INSL6: variants seen among roughly 807,000 people sequenced by gnomAD.
INSL6 encodes the protein insulin like 6.
A neutral mutation model predicts 9.4 loss-of-function variants in INSL6; 16 were observed. That is an observed-to-expected ratio of 1.70 (90% CI 1.15 to 2.59). INSL6 has a LOEUF of 2.59. INSL6 is among the 30% of genes most tolerant of loss of function. The pLI is 0.00. For missense variants in INSL6, 391 were observed against 257.3 expected (o/e 1.52, Z -3.56); for synonymous variants, 154 against 96.9 (o/e 1.59, Z -3.46).
At chr9:5,042,953 C>A in the INSL6 span, among the ~76,000 whole-genome samples, 2 of 152,228 alleles carry the variant, frequency 1.3e-5, no homozygotes, top group Non-Finnish European at 2.9e-5. Flanking sequence ...GGCACCTGTT[C>A]CCCGAGGCTG....
chr9:5,126,052 C>A (rs1823973553), intron 3 of INSL6: 1 of 234,484 alleles, frequency 4.3e-6, no homozygotes, highest in South Asian at 1.7e-4. Flanking sequence ...AGTTTTTTAA[C>A]AACAAAAAAC....
the INSL6 span, among the ~76,000 whole-genome samples, chr9:5,047,785 G>T: frequency 6.6e-6 from 1 of 151,966 alleles, no homozygotes; most frequent in Non-Finnish European, 1.5e-5. Context: ...TGGTTTTGTG[G>T]AGATGGGGTC....
the INSL6 span, among the ~76,000 whole-genome samples, chr9:5,104,279 T>C: frequency 2.0e-5 from 3 of 152,134 alleles, no homozygotes; most frequent in African/African-American, 7.2e-5. Context: ...GAGAATACTA[T>C]TAACACCTCT....
At chr9:5,040,155 T>C in the INSL6 span, among the ~76,000 whole-genome samples, 31 of 152,176 alleles carry the variant, frequency 2.0e-4, no homozygotes, top group African/African-American at 7.2e-4. Context: ...ATTTCTCACA[T>C]TGATGGTGAT....
the INSL6 span, chr9:5,097,051 C>T: frequency 6.6e-6 from 1 of 152,122 alleles, no homozygotes; most frequent in African/African-American, 2.4e-5. Flanking sequence ...AACAGTTTAT[C>T]CCCCTTTAGC....
At chr9:5,085,929 C>T in the INSL6 span, 5 of 1,090,546 alleles carry the variant, frequency 4.6e-6, no homozygotes, top group East Asian at 1.2e-4. Flanking sequence ...TTTCAAGTCT[C>T]TCCAACCGAG....
At chr9:5,156,832 C>G (rs993827560) in intron 2 of INSL6, among the ~76,000 whole-genome samples, 3 of 151,990 alleles carry the variant, frequency 2.0e-5, no homozygotes, top group African/African-American at 7.2e-5. Flanking sequence ...TACAATGTTA[C>G]AGGATACAAA....
chr9:5,161,457 C>T (rs1824924714), downstream of INSL6, among the ~76,000 whole-genome samples: 1 of 152,120 alleles, frequency 6.6e-6, no homozygotes, highest in Admixed American at 6.5e-5. Context: ...ATATGATAGA[C>T]CCACAGCTAG....
At chr9:5,179,199 A>G (rs1480214950) in intron 1 of INSL6, among the ~76,000 whole-genome samples, 1 of 152,190 alleles carries the variant, frequency 6.6e-6, no homozygotes, top group Non-Finnish European at 1.5e-5. Flanking sequence ...AAAGTGGGCA[A>G]AAGACATGAA....
At chr9:5,011,803 A>G in the INSL6 span, among the ~76,000 whole-genome samples, 80 of 152,242 alleles carry the variant, frequency 5.3e-4, 1 homozygote, top group African/African-American at 1.8e-3. Flanking sequence ...GACCAACTTG[A>G]TCCTGCGGAG....
intron 3 of INSL6, among the ~76,000 whole-genome samples, chr9:5,130,087 G>A (rs967800118): frequency 6.6e-6 from 1 of 152,020 alleles, no homozygotes; most frequent in Admixed American, 6.5e-5. Context: ...TACTACTACG[G>A]TTTTAAAAGT....
chr9:5,071,738 G>A, the INSL6 span, among the ~76,000 whole-genome samples: 2 of 152,236 alleles, frequency 1.3e-5, no homozygotes, highest in South Asian at 4.1e-4. Context: ...TAGCCAGAAT[G>A]GTAAAGACAA....
the INSL6 span, among the ~76,000 whole-genome samples, chr9:5,061,057 C>T: frequency 6.6e-6 from 1 of 152,166 alleles, no homozygotes; most frequent in African/African-American, 2.4e-5. Context: ...CTGAGCAGAT[C>T]TTAACAATGG....
At chr9:5,080,892 CTTTTT>C in the INSL6 span, among the ~76,000 whole-genome samples, 21 of 95,576 alleles carry the variant, frequency 2.2e-4, no homozygotes, top group Non-Finnish European at 2.9e-4. Context: ...AAGACCTTTT[CTTTTT>C]TTTTTTTTTT....
At chr9:5,014,010 A>G in the INSL6 span, among the ~76,000 whole-genome samples, 2 of 152,104 alleles carry the variant, frequency 1.3e-5, no homozygotes, top group Admixed American at 1.3e-4. Flanking sequence ...CTTCATGTAT[A>G]TTTATTGATC....
chr9:5,040,443 TAGTTA>T, the INSL6 span, among the ~76,000 whole-genome samples: 1 of 150,722 alleles, frequency 6.6e-6, no homozygotes, highest in Non-Finnish European at 1.5e-5. Flanking sequence ...AAAAGAAAAA[TAGTTA>T]AGTTAGGCTT....
At chr9:5,154,427 T>A (rs1180233467) in intron 2 of INSL6, among the ~76,000 whole-genome samples, 1 of 152,084 alleles carries the variant, frequency 6.6e-6, no homozygotes, top group Non-Finnish European at 1.5e-5. Flanking sequence ...GGACTTCATG[T>A]CTAAAACACC....
the INSL6 span, among the ~76,000 whole-genome samples, chr9:5,061,767 G>T: frequency 6.6e-6 from 1 of 152,188 alleles, no homozygotes; most frequent in Non-Finnish European, 1.5e-5. Context: ...TGCCTTTTTA[G>T]TGCAAGAGGC....
the INSL6 span, chr9:5,086,122 G>T: frequency 2.3e-6 from 1 of 431,808 alleles, no homozygotes; most frequent in South Asian, 2.7e-5. Flanking sequence ...ATCGGCAGCG[G>T]CGCGCGGCCC....
Sources: allele counts gnomAD v4.1 joint callset (sites outside exome capture counted in the v4.1 genomes callset), GRCh38; gene constraint gnomAD v4.1.1; transcripts MANE v1.5; gene names NCBI Gene and HGNC (gene_info 2026-07-23, HGNC 2026-07-21).